Variants in SAMD12 observed in about 807,000 individuals in gnomAD.
SAMD12 encodes sterile alpha motif domain containing 12.
In SAMD12, 9 loss-of-function variants were observed where a neutral mutation model predicts 15.0. The observed-to-expected ratio is 0.60, with a 90% CI of 0.36 to 1.05. The LOEUF is 1.05. Among genes scored for constraint, SAMD12 ranks in the 50% least tolerant of loss-of-function variants. The pLI is 0.01. For synonymous variants in SAMD12, 86 were observed against 90.1 expected (o/e 0.96, Z 0.25); for missense variants, 230 against 234.2 (o/e 0.98, Z 0.12).
chr8:118,132,970 GTGTATATA>G, the SAMD12 span, among the ~76,000 whole-genome samples: 632 of 67,052 alleles, frequency 9.4e-3, 1 homozygote, highest in Middle Eastern at 0.016. Flanking sequence ...ATGTGTGTGT[GTGTATATA>G]TATATATATA....
At chr8:118,157,087 C>T in the SAMD12 span, among the ~76,000 whole-genome samples, 66 of 152,150 alleles carry the variant, frequency 4.3e-4, no homozygotes, top group Middle Eastern at 3.4e-3. Context: ...CACTAAAGTA[C>T]ATTGAAGTCA....
chr8:118,403,351 T>C (rs1326452926), intron 3 of SAMD12, among the ~76,000 whole-genome samples: 1 of 151,934 alleles, frequency 6.6e-6, no homozygotes, highest in African/African-American at 2.4e-5. Flanking sequence ...AGTCTGTGTG[T>C]GTGTGGTGTA....
At position 118,236,830 on chromosome 8, in the gene SAMD12, G is replaced by A. The variant is rs540968297; in HGVS notation, c.434-39098C>T. On this transcript the variant is annotated intron_variant, in intron 4 of 4. Coordinates refer to the SAMD12 transcript ENST00000409003. ...ATGAAAACAGAAACAACAGAAACTC[G>A]CAGCACGGCACTATTAAGGAGACCA... Among the ~76,000 whole-genome samples, 7 of 152,280 alleles carry A rather than the reference G, an allele frequency of 4.6e-5. No individual in the cohort carries two copies. The South Asian group carries it at 8.3e-4, about 18-fold the overall frequency.
chr8:118,175,034 C>CAAAAAAAAAAAAAAAAAAA, the SAMD12 span, among the ~76,000 whole-genome samples: 5 of 78,782 alleles, frequency 6.3e-5, no homozygotes, highest in Admixed American at 1.3e-4. Flanking sequence ...CAAAAAAAAA[C>CAAAAAAAAAAAAAAAAAAA]AAAAAAAAAA....
chr8:118,293,726 C>A (rs1177194010), intron 4 of SAMD12, among the ~76,000 whole-genome samples: 1 of 152,170 alleles, frequency 6.6e-6, no homozygotes. Context: ...GGTCATAGTT[C>A]TCAAAGTGAT....
At chr8:118,610,126 G>A (rs2131314056) in intron 1 of SAMD12, among the ~76,000 whole-genome samples, 1 of 152,254 alleles carries the variant, frequency 6.6e-6, no homozygotes. Context: ...GGGTACGGGT[G>A]AATTTGGAAG....
At chr8:118,268,309 A>T (rs560726958) in intron 4 of SAMD12, among the ~76,000 whole-genome samples, 3 of 152,260 alleles carry the variant, frequency 2.0e-5, no homozygotes, top group Admixed American at 6.5e-5. Flanking sequence ...CATTAAATCA[A>T]TATTTAGTGT....
chr8:118,390,325 C>T (rs994708926), intron 3 of SAMD12, among the ~76,000 whole-genome samples: 2 of 152,118 alleles, frequency 1.3e-5, no homozygotes, highest in African/African-American at 4.8e-5. Context: ...AACTTTTAAC[C>T]TTCCTTCTTC....
chr8:118,617,600 T>C (rs557008627), intron 1 of SAMD12, among the ~76,000 whole-genome samples: 24 of 152,294 alleles, frequency 1.6e-4, no homozygotes, highest in Non-Finnish European at 2.8e-4. Flanking sequence ...TGCTATTCTG[T>C]TAGACCTGGA....
the SAMD12 span, among the ~76,000 whole-genome samples, chr8:118,137,024 A>G: frequency 6.6e-6 from 1 of 152,250 alleles, no homozygotes; most frequent in Non-Finnish European, 1.5e-5. Flanking sequence ...AAAGCAAGGA[A>G]GAATGAAGCA....
intron 4 of SAMD12, among the ~76,000 whole-genome samples, chr8:118,327,038 A>G (rs1816600201): frequency 6.6e-6 from 1 of 152,218 alleles, no homozygotes; most frequent in Non-Finnish European, 1.5e-5. Flanking sequence ...GTGATCCCCC[A>G]CAGATGCACT....
intron 3 of SAMD12, among the ~76,000 whole-genome samples, chr8:118,439,020 G>A (rs1822657405): frequency 1.3e-5 from 2 of 152,070 alleles, no homozygotes; most frequent in African/African-American, 4.8e-5. Context: ...GGCAAGGTCT[G>A]GAAAAGCCCC....
chr8:118,596,095 G>T (rs1827717116), intron 1 of SAMD12, among the ~76,000 whole-genome samples: 1 of 152,170 alleles, frequency 6.6e-6, no homozygotes, highest in African/African-American at 2.4e-5. Context: ...GATTGTTGTT[G>T]AACAACCGCT....
chr8:118,482,345 T>C (rs1276729257), intron 2 of SAMD12, among the ~76,000 whole-genome samples: 4 of 152,290 alleles, frequency 2.6e-5, no homozygotes, highest in Non-Finnish European at 5.9e-5. Context: ...CTTCACTTCA[T>C]ACACTCCAAC....
the SAMD12 span, among the ~76,000 whole-genome samples, chr8:118,155,364 G>T: frequency 6.6e-6 from 1 of 152,076 alleles, no homozygotes; most frequent in African/African-American, 2.4e-5. Flanking sequence ...AGTGTTTTTG[G>T]GGGGGTGGGC....
At chr8:118,324,989 C>T (rs1816498512) in intron 4 of SAMD12, among the ~76,000 whole-genome samples, 1 of 152,112 alleles carries the variant, frequency 6.6e-6, no homozygotes, top group African/African-American at 2.4e-5. Context: ...CACAACTGGT[C>T]ATAGGGATTT....
intron 4 of SAMD12, among the ~76,000 whole-genome samples, chr8:118,312,610 A>G (rs1815686575): frequency 6.6e-6 from 1 of 152,126 alleles, no homozygotes; most frequent in Non-Finnish European, 1.5e-5. Context: ...CATCCCCACC[A>G]TGGCCATCTC....
intron 2 of SAMD12, among the ~76,000 whole-genome samples, chr8:118,470,522 C>T (rs543577871): frequency 6.6e-6 from 1 of 152,292 alleles, no homozygotes; most frequent in South Asian, 2.1e-4. Context: ...GCCCAACCTG[C>T]AGAAGGCTTG....
chr8:118,351,219 T>C (rs965362958), intron 4 of SAMD12, among the ~76,000 whole-genome samples: 3 of 152,190 alleles, frequency 2.0e-5, no homozygotes, highest in South Asian at 2.1e-4. Context: ...TTAATTATGA[T>C]TGACACCTCG....
Sources: allele counts gnomAD v4.1 joint callset (sites outside exome capture counted in the v4.1 genomes callset), GRCh38; gene constraint gnomAD v4.1.1; transcripts MANE v1.5; gene names NCBI Gene and HGNC (gene_info 2026-07-23, HGNC 2026-07-21).